The following KIAA1143 variants were observed in gnomAD, a reference collection of about 807,000 sequenced individuals.
KIAA1143 encodes the protein uncharacterized protein KIAA1143.
A neutral mutation model predicts 17.0 loss-of-function variants in KIAA1143; 8 were observed. That is an observed-to-expected ratio of 0.47 (90% CI 0.28 to 0.85). The LOEUF (loss-of-function observed/expected upper bound fraction) is 0.85, where lower values mean the gene tolerates loss of function less well. KIAA1143 is among the 40% of genes least tolerant of loss of function. The pLI, the probability that KIAA1143 is intolerant of heterozygous loss-of-function variation, is 0.12. For synonymous variants in KIAA1143, 64 were observed against 67.8 expected (o/e 0.94, Z 0.27); for missense variants, 162 against 183.3 (o/e 0.88, Z 0.67).
At chr3:44,761,131 T>C (rs1705104784) in intron 1 of KIAA1143, among the ~76,000 whole-genome samples, 1 of 152,182 alleles carries the variant, frequency 6.6e-6, no homozygotes, top group Non-Finnish European at 1.5e-5. Context: ...TGTGTCCTTA[T>C]CTGGAATACG....
rs1704855648 is a variant in KIAA1143, at chr3:44,749,013, ATTAAT to A, written c.*4323_*4327del. 6.6e-6 allele frequency: 1 copy of A among 152,176 alleles called. No individual in the cohort carries two copies. Among genetic ancestry groups the A allele is most frequent in the African/African-American group, 2.4e-5 (1 of 41,442 alleles). The allele number at this position is 152,176 out of a possible 1,614,324, so 9.4% of individuals were successfully genotyped here. ...GCAGAATGGCTTCAGGATTAATTTG[ATTAAT>A]TTAGAGAGAGCCTATTTCAGGTCTT... On this transcript the variant is annotated 3_prime_UTR_variant, in exon 3 of 3. Transcript: ENST00000296121.
At chr3:44,757,603 G>A (rs895566430) in intron 1 of KIAA1143, among the ~76,000 whole-genome samples, 16 of 152,342 alleles carry the variant, frequency 1.1e-4, no homozygotes, top group Non-Finnish European at 2.9e-5. Flanking sequence ...CTAACTTAAA[G>A]AGTTCAATCT....
chr3:44,760,877 G>A (rs1559512732), intron 1 of KIAA1143, among the ~76,000 whole-genome samples: 1 of 151,372 alleles, frequency 6.6e-6, no homozygotes, highest in Non-Finnish European at 1.5e-5. Context: ...GAGACGGGGG[G>A]TTTCACCATA....
chr3:44,760,887 A>T (rs1705094628), intron 1 of KIAA1143, among the ~76,000 whole-genome samples: 1 of 149,580 alleles, frequency 6.7e-6, no homozygotes, highest in Non-Finnish European at 1.5e-5. Context: ...GTTTCACCAT[A>T]TTGGCTATTG....
rs1034226573 is a variant in KIAA1143, at chr3:44,752,343, G to A, written c.*998C>T. 2 of 150,750 alleles carry A rather than the reference G, an allele frequency of 1.3e-5. No homozygotes were observed. The highest frequency in any genetic ancestry group is 3.0e-5 in the Non-Finnish European group (2 of 67,442). 9.3% of individuals were successfully genotyped at this position (150,750 alleles called of 1,614,324 possible). ...ACAGGGTGTACGCCAAGTAACCAAT[G>A]GCAAACCTCTAGAGGATATTCATTG... On this transcript the variant is annotated 3_prime_UTR_variant, in exon 3 of 3. Transcript: ENST00000296121.
chr3:44,754,203 C>G lies in KIAA1143; in HGVS notation c.253+21G>C, dbSNP rs541805758. The G allele has an allele frequency of 1.2e-5, 20 of 1,609,828 alleles. No homozygotes were observed. The African/African-American group carries it at 1.3e-4, about 11-fold the overall frequency. On this transcript the variant is annotated intron_variant, in intron 2 of 2. Transcript: ENST00000296121. The stretch of plus-strand genomic sequence containing the variant: ...TGGGCTCCTTAAATTGTTAGAAAAA[C>G]CAGATTACTTTTAGACCTACCTGCT...
At position 44,761,548 on chromosome 3, in the gene KIAA1143, C is replaced by T. The variant is rs762681225; in HGVS notation, c.55G>A (p.Ala19Thr). Residue 19 changes from alanine to threonine, a missense_variant, in exon 1 of 3, where the codon GCC becomes ACC. Transcript: ENST00000296121. ...YVRPAEPAFL[A>T]RFKERVGYRE... ...TAGCCGACCCGTTCCTTGAAGCGGG[C>T]CAGAAACGCCGGCTCGGCTGGCCGC... 16 of 1,614,006 alleles carry T rather than the reference C, an allele frequency of 9.9e-6. No individual in the cohort carries two copies. The East Asian group carries it at 2.9e-4, about 29-fold the overall frequency.
Position 44,761,504 on chromosome 3 carries a change from T to G in KIAA1143, c.99A>C (p.Val33=). The G allele has an allele frequency of 1.2e-6, 2 of 1,613,248 alleles. No homozygotes were observed. Among genetic ancestry groups the G allele is most frequent in the Non-Finnish European group, 1.7e-6 (2 of 1,179,380 alleles). Residue 33 remains valine (V), a synonymous_variant, in exon 1 of 3, where the codon GTA becomes GTC. Coordinates refer to ENST00000296121, the MANE Select transcript of KIAA1143 (RefSeq NM_020696.4). The stretch of plus-strand genomic sequence containing the variant: ...ACTGGCGAAGGCTCACCTTAGTCTC[T>G]ACGGTGGGTCCCTCCCTGTAGCCGA... ...ERVGYREGPT[V]ETKRIQPQPP... is the part of the protein sequence containing the mutation.
In KIAA1143 at chr3:44,753,255, T is replaced by C; in HGVS notation, c.*86A>G. 1.0e-6 allele frequency: 1 copy of C among 965,016 alleles called. No individual in the cohort carries two copies. Among genetic ancestry groups the C allele is most frequent in the East Asian group, 2.4e-5 (1 of 41,172 alleles). 59.8% of individuals were successfully genotyped at this position (965,016 alleles called of 1,614,324 possible). A position where few individuals can be genotyped will look rare whatever the true frequency, so the allele number is the denominator to read the frequency against. ...TTTCCTAAACTTTCTATAAAGAACT[T>C]GTAGTATCTTTATAATAGGAAAAAA... On this transcript the variant is annotated 3_prime_UTR_variant, in exon 3 of 3. Coordinates refer to ENST00000296121, the MANE Select transcript of KIAA1143 (RefSeq NM_020696.4).
chr3:44,758,912 G>A (rs944764600), intron 1 of KIAA1143, among the ~76,000 whole-genome samples: 2 of 149,942 alleles, frequency 1.3e-5, no homozygotes, highest in Non-Finnish European at 3.0e-5. Flanking sequence ...ACCCAGGCTC[G>A]AGTGCAGTGG....
At chr3:44,759,893 TCA>T (rs1705039415) in intron 1 of KIAA1143, among the ~76,000 whole-genome samples, 1 of 21,102 alleles carries the variant, frequency 4.7e-5, no homozygotes. Context: ...AGACCCTATC[TCA>T]AAAAAAAAAA....
chr3:44,760,785 G>A (rs1163168573), intron 1 of KIAA1143, among the ~76,000 whole-genome samples: 2 of 148,048 alleles, frequency 1.4e-5, no homozygotes, highest in African/African-American at 5.0e-5. Context: ...TCCCGGGTTC[G>A]AGCGATTCTG....
intron 1 of KIAA1143, among the ~76,000 whole-genome samples, chr3:44,760,718 C>A (rs2125882465): frequency 1.4e-5 from 2 of 138,528 alleles, no homozygotes; most frequent in East Asian, 4.3e-4. Flanking sequence ...CGGAGTCTCG[C>A]TCTGTTGTCC....
rs762865421 is a variant in KIAA1143 at position 44,753,340 on chromosome 3, C to T, written c.*1G>A. Reference sequence around the variant, plus strand: ...GTAGACTAAATTCAAAATATTTACACTTACTCATTTTCATCTTCGTTGTCA... The same window carrying T: ...GTAGACTAAATTCAAAATATTTACATTTACTCATTTTCATCTTCGTTGTCA... On this transcript the variant is annotated 3_prime_UTR_variant, in exon 3 of 3. Coordinates refer to ENST00000296121, the MANE Select transcript of KIAA1143 (RefSeq NM_020696.4). The T allele has an allele frequency of 6.3e-7, 1 of 1,592,156 alleles. No homozygotes were observed. The highest frequency in any genetic ancestry group is 1.7e-5 in the Admixed American group (1 of 59,794).
intron 1 of KIAA1143, among the ~76,000 whole-genome samples, chr3:44,756,942 G>T (rs1229459913): frequency 6.6e-6 from 1 of 152,114 alleles, no homozygotes; most frequent in Non-Finnish European, 1.5e-5. Flanking sequence ...TCCACTGGGG[G>T]TCTTGGAACA....
At position 44,752,229 on chromosome 3, in the gene KIAA1143, C is replaced by A. The variant is rs1704900962; in HGVS notation, c.*1112G>T. On this transcript the variant is annotated 3_prime_UTR_variant, in exon 3 of 3. Coordinates refer to ENST00000296121, the MANE Select transcript of KIAA1143 (RefSeq NM_020696.4). ...GTCATAGGCCAAGTCCTCATTTACA[C>A]AGGAGTATAACTTTGTAACTTCACT... is the stretch of plus-strand genomic sequence containing the variant. 1 of 151,984 alleles carries A rather than the reference C, an allele frequency of 6.6e-6. No individual in the cohort carries two copies. The highest frequency in any genetic ancestry group is 2.4e-5 in the African/African-American group (1 of 41,368). The allele number at this position is 151,984 out of a possible 1,614,324, so 9.4% of individuals were successfully genotyped here.
At chr3:44,758,664 C>T (rs1180266989) in intron 1 of KIAA1143, among the ~76,000 whole-genome samples, 2 of 152,256 alleles carry the variant, frequency 1.3e-5, no homozygotes, top group South Asian at 2.1e-4. Flanking sequence ...CTGAATCTCT[C>T]GAAGTCATCC....
Position 44,754,351 on chromosome 3 carries a change from G to A in KIAA1143, c.126C>T (p.Pro42=). 6.2e-7 allele frequency: 1 copy of A among 1,613,860 alleles called. No homozygotes were observed. Among genetic ancestry groups the A allele is most frequent in the Non-Finnish European group, 8.5e-7 (1 of 1,179,866 alleles). ...TVETKRIQPQ[P]PDEDGDHSDK... is the part of the protein sequence containing the mutation. ...CACTGTGATCCCCATCTTCATCTGG[G>A]GGCTGAGGCTGAATTCTCTAGGGAA... The change falls in exon 2 of 3, where the codon CCC becomes CCT. Residue 42 remains proline, a synonymous_variant. Transcript: ENST00000296121.
chr3:44,761,571 C>T lies in KIAA1143; in HGVS notation c.32G>A (p.Arg11Gln). Residue 11 changes from arginine (R) to glutamine (Q), a missense_variant, in exon 1 of 3, where the codon CGG becomes CAG. Physicochemically the swap from Arg to Gln is conservative, Grantham distance 43 (BLOSUM62 1). Around this residue, in one of 2 missense-constraint regions of KIAA1143, gnomAD observed 137 missense variants for 132.5 expected, o/e 1.03. Coordinates refer to ENST00000296121, the MANE Select transcript of KIAA1143 (RefSeq NM_020696.4). The stretch of plus-strand genomic sequence containing the variant: ...GGCCAGAAACGCCGGCTCGGCTGGC[C>T]GCACGTACGATACCTGGTTCCGCTT... MSKRNQVSYVRPAEPAFLARF... is the reference protein window; with the variant it reads MSKRNQVSYVQPAEPAFLARF... 2 of 1,613,832 alleles carry T rather than the reference C, an allele frequency of 1.2e-6. No individual in the cohort carries two copies. Among genetic ancestry groups the T allele is most frequent in the Non-Finnish European group, 1.7e-6 (2 of 1,180,016 alleles).
Sources: allele counts gnomAD v4.1 joint callset (sites outside exome capture counted in the v4.1 genomes callset), GRCh38; gene constraint gnomAD v4.1.1; regional missense constraint gnomAD v4.1.1; transcripts MANE v1.5; gene names NCBI Gene and HGNC (gene_info 2026-07-23, HGNC 2026-07-21).